The following KRT75 variants were observed in gnomAD, a reference collection of about 807,000 sequenced individuals.
KRT75 encodes the protein keratin 75, also known as keratin, type II cytoskeletal 75.
KRT75 carries 35 observed loss-of-function variants against 48.8 expected under a neutral mutation model. The ratio of observed to expected loss-of-function variants is 0.72; its 90% CI spans 0.55 to 0.95. The LOEUF (loss-of-function observed/expected upper bound fraction) is 0.95. KRT75 is among the 40% of genes least tolerant of loss of function. The pLI is 0.00. For missense variants in KRT75, 776 were observed against 709.9 expected (o/e 1.09, Z -1.06); for synonymous variants, 301 against 282.3 (o/e 1.07, Z -0.66).
chr12:52,430,100 C>G (rs535588879), intron 5 of KRT75, among the ~76,000 whole-genome samples: 1 of 152,206 alleles, frequency 6.6e-6, no homozygotes, highest in Non-Finnish European at 1.5e-5. Context: ...GCTATCTTTT[C>G]CCTTCCATGA....
At chr12:52,426,230 C>T (rs2121512314) in intron 8 of KRT75, among the ~76,000 whole-genome samples, 1 of 152,332 alleles carries the variant, frequency 6.6e-6, no homozygotes, top group Admixed American at 6.5e-5. Context: ...CTTGTTAATA[C>T]CTCTCCTGTT....
chr12:52,428,831 A>G lies in KRT75; in HGVS notation c.1036-88T>C, dbSNP rs549289201. ...ACACAGACCCACCCTGGGTGCCACA[A>G]GCAGGCTCATTCATTCCTGGTCATT... On this transcript the variant is annotated intron_variant, in intron 5 of 8. Transcript: ENST00000252245. 3.2e-6 allele frequency: 5 copies of G among 1,539,360 alleles called. No homozygotes were observed. In the South Asian group the frequency reaches 5.6e-5, roughly 17 times the overall value.
rs764291159 is a variant in KRT75 at position 52,432,077 on chromosome 12, A to G, written c.714-11T>C. 4.0e-5 allele frequency: 64 copies of G among 1,614,022 alleles called. 1 individual carries two copies. The highest frequency in any genetic ancestry group is 5.1e-5 in the Non-Finnish European group (60 of 1,179,980). On this transcript the variant is annotated splice_polypyrimidine_tract_variant and intron_variant, in intron 2 of 8. Transcript: ENST00000252245. ...ATTTCATCTTCGTACCTATAAGGACAGAGCGGGGGGTGTGCTGTTGAGCAA... is the reference window on the plus strand; with the variant it reads ...ATTTCATCTTCGTACCTATAAGGACGGAGCGGGGGGTGTGCTGTTGAGCAA...
intron 5 of KRT75, 150 bp downstream of exon 5, chr12:52,430,391 T>G (rs974315367): frequency 3.5e-6 from 3 of 847,718 alleles, no homozygotes; most frequent in African/African-American, 3.3e-5. Context: ...CACATGCATT[T>G]CAAGCTAAGT....
chr12:52,434,344 G>A lies in KRT75; in HGVS notation c.-40C>T. On this transcript the variant is annotated 5_prime_UTR_variant, in exon 1 of 9. Transcript: ENST00000252245. ...GCCGGCGAGAAGGCACCTGAGGTGG[G>A]CTGGTACAGGCAGTGGAGAAGACAG... The A allele has an allele frequency of 6.4e-7, 1 of 1,559,542 alleles. No homozygotes were observed. The highest frequency in any genetic ancestry group is 1.8e-5 in the Admixed American group (1 of 54,168).
At chr12:52,425,520 A>G (rs1176190540) in intron 8 of KRT75, among the ~76,000 whole-genome samples, 1 of 152,250 alleles carries the variant, frequency 6.6e-6, no homozygotes. Context: ...CCATACAGAA[A>G]GAAGGAAGAC....
Position 52,424,656 on chromosome 12 carries a change from G to A in KRT75, c.1517C>T (p.Thr506Ile). The A allele has an allele frequency of 6.2e-7, 1 of 1,614,174 alleles. No homozygotes were observed. The highest frequency in any genetic ancestry group is 8.5e-7 in the Non-Finnish European group (1 of 1,180,000). ...LGGGSGYSFT[T>I]SGGHSLGAGL... ...TGCACCCAGGCTATGCCCACCACTGGTGGTGAAGGAGTAGCCGCTGCCCCC... is the reference window on the plus strand; with the variant it reads ...TGCACCCAGGCTATGCCCACCACTGATGGTGAAGGAGTAGCCGCTGCCCCC... The change falls in exon 9 of 9, where the codon ACC becomes ATC. Residue 506 changes from threonine to isoleucine, a missense_variant. Coordinates refer to ENST00000252245, the MANE Select transcript of KRT75 (RefSeq NM_004693.3).
At chr12:52,433,660 G>T in intron 1 of KRT75, 147 bp downstream of exon 1, 2 of 1,284,714 alleles carry the variant, frequency 1.6e-6, no homozygotes, top group Non-Finnish European at 1.1e-6. Context: ...GCCTGACTTG[G>T]AAGGGTCTCA....
At chr12:52,428,146 T>C (rs1940096048) in intron 7 of KRT75, 110 bp downstream of exon 7, 4 of 1,388,576 alleles carry the variant, frequency 2.9e-6, no homozygotes, top group Non-Finnish European at 3.0e-6. Flanking sequence ...CTGAACTGCA[T>C]TTTCTTCCAG....
chr12:52,428,392 G>A lies in KRT75; in HGVS notation c.1246C>T (p.Leu416Phe), dbSNP rs757793204. The A allele has an allele frequency of 4.3e-6, 7 of 1,614,062 alleles. No homozygotes were observed. The highest frequency in any genetic ancestry group is 5.9e-6 in the Non-Finnish European group (7 of 1,180,046). ...TTGGCCTTCTGCAGGGCCTCCTCAA[G>A]GTCCACCAGCTTGGCCCGTGCATCC... is the stretch of plus-strand genomic sequence containing the variant. ...LKDARAKLVD[L>F]EEALQKAKQD... The change falls in exon 7 of 9, where the codon CTT becomes TTT. Residue 416 changes from leucine (L) to phenylalanine (F), a missense_variant. Coordinates refer to ENST00000252245, the MANE Select transcript of KRT75 (RefSeq NM_004693.3).
rs769112198 is a variant in KRT75, at chr12:52,426,817, A to G, written c.1417T>C (p.Ser473Pro). ...GGCCCAAGAAGTATGTCATACTCAC[A>G]AATGTTAACTGGAGAAACTCCCTCT... is the stretch of plus-strand genomic sequence containing the variant. ...SGEGVSPVNISVVTSTLSSGY... is the reference protein window; with the variant it reads ...SGEGVSPVNIPVVTSTLSSGY... The change falls in exon 8 of 9, where the codon TCT becomes CCT. Residue 473 changes from serine (S) to proline (P), a missense_variant and splice_region_variant. Physicochemically the swap from Ser to Pro is moderately conservative, Grantham distance 74. Transcript: ENST00000252245. 5.6e-6 allele frequency: 9 copies of G among 1,613,986 alleles called. No individual in the cohort carries two copies. The highest frequency in any genetic ancestry group is 6.8e-6 in the Non-Finnish European group (8 of 1,179,970).
Position 52,434,128 on chromosome 12 carries a change from G to C in KRT75, c.177C>G (p.Ser59Arg), listed in dbSNP as rs757445720. 2 of 1,614,130 alleles carry C rather than the reference G, an allele frequency of 1.2e-6. No homozygotes were observed. Among genetic ancestry groups the C allele is most frequent in the Non-Finnish European group, 1.7e-6 (2 of 1,180,010 alleles). The change falls in exon 1 of 9, where the codon AGC becomes AGG. Residue 59 changes from serine (S) to arginine (R), a missense_variant. Ser to Arg is a moderately radical substitution (Grantham distance 110, BLOSUM62 -1). Transcript: ENST00000252245. ...CACCCCCCAGGTTGTAGAGGCTGCG[G>C]CTTCCAAAGCTGGCCCCAGCACTGC... ...RISSAGASFG[S>R]RSLYNLGGAK...
At chr12:52,431,361 G>A (rs2121512919) in intron 4 of KRT75, among the ~76,000 whole-genome samples, 182 bp downstream of exon 4, 1 of 152,228 alleles carries the variant, frequency 6.6e-6, no homozygotes, top group African/African-American at 2.4e-5. Flanking sequence ...CAGAGCTGGG[G>A]TAGTTTAGTA....
rs1224710490 is a variant in KRT75 at position 52,430,602 on chromosome 12, G to A, written c.974C>T (p.Ala325Val). ...DLDSIIAEVKAQYEDIANRSR... is the reference protein window; with the variant it reads ...DLDSIIAEVKVQYEDIANRSR... Reference sequence around the variant, plus strand: ...GCGGTTGGCAATGTCCTCGTATTGTGCTTTGACCTCGGCGATGATACTATC... The same window carrying A: ...GCGGTTGGCAATGTCCTCGTATTGTACTTTGACCTCGGCGATGATACTATC... Residue 325 changes from alanine (A) to valine (V), a missense_variant, in exon 5 of 9, where the codon GCA becomes GTA. Coordinates refer to ENST00000252245, the MANE Select transcript of KRT75 (RefSeq NM_004693.3). The A allele has an allele frequency of 6.2e-7, 1 of 1,614,176 alleles. No homozygotes were observed.
At chr12:52,432,087 GTGTGC>G (rs1387789515) in intron 2 of KRT75, 21 bp from the exon 3 acceptor site, 1 of 1,613,706 alleles carries the variant, frequency 6.2e-7, no homozygotes, top group Non-Finnish European at 8.5e-7. Flanking sequence ...AGAGCGGGGG[GTGTGC>G]TGTTGAGCAA....
chr12:52,433,556 A>G (rs17125539), intron 1 of KRT75, among the ~76,000 whole-genome samples: 3,300 of 152,194 alleles, frequency 0.022, 114 homozygotes, highest in African/African-American at 0.076. Flanking sequence ...TCTCCTGTAG[A>G]GAATCAACAA....
At position 52,433,760 on chromosome 12, in the gene KRT75, G is replaced by T. The variant is rs1467641479; in HGVS notation, c.498+47C>A. The T allele has an allele frequency of 2.5e-6, 4 of 1,613,384 alleles. No individual in the cohort carries two copies. The African/African-American group carries it at 5.3e-5, about 22-fold the overall frequency. On this transcript the variant is annotated intron_variant, in intron 1 of 8. Coordinates refer to ENST00000252245, the MANE Select transcript of KRT75 (RefSeq NM_004693.3). ...CCCCCATGGGATGGCCCTTCCAAGA[G>T]TTTATTTGATCCCAAACCCAAGGGG... is the stretch of plus-strand genomic sequence containing the variant.
Position 52,430,708 on chromosome 12 carries a change from G to A in KRT75, c.871-3C>T, listed in dbSNP as rs766009163. ...TGGGTCTGCAACTGGGACAGCTCCTGCAGGGCAGTAAACTCAGCATCACCA... is the reference window on the plus strand; with the variant it reads ...TGGGTCTGCAACTGGGACAGCTCCTACAGGGCAGTAAACTCAGCATCACCA... On this transcript the variant is annotated splice_polypyrimidine_tract_variant and splice_region_variant and intron_variant, in intron 4 of 8. Coordinates refer to ENST00000252245, the MANE Select transcript of KRT75 (RefSeq NM_004693.3). 20 of 1,614,182 alleles carry A rather than the reference G, an allele frequency of 1.2e-5. No homozygotes were observed. Among genetic ancestry groups the A allele is most frequent in the Non-Finnish European group, 1.7e-5 (20 of 1,180,002 alleles).
intron 5 of KRT75, among the ~76,000 whole-genome samples, chr12:52,429,716 C>T (rs1940119402): frequency 6.6e-6 from 1 of 152,162 alleles, no homozygotes; most frequent in African/African-American, 2.4e-5. Flanking sequence ...AACCCTGGTC[C>T]CTGCTACCCA....
Sources: allele counts gnomAD v4.1 joint callset (sites outside exome capture counted in the v4.1 genomes callset), GRCh38; gene constraint gnomAD v4.1.1; transcripts MANE v1.5; gene names NCBI Gene and HGNC (gene_info 2026-07-23, HGNC 2026-07-21).